Variants in DACH2 observed in about 807,000 individuals in gnomAD.
DACH2 encodes dachshund homolog 2.
DACH2 carries 17 observed loss-of-function variants against 35.8 expected under a neutral mutation model. The ratio of observed to expected loss-of-function variants is 0.48; its 90% CI spans 0.33 to 0.71. The LOEUF is 0.71. Ranked by LOEUF, DACH2 falls within the 30% of genes least tolerant of loss-of-function variation. The pLI is 0.02. For missense variants in DACH2, 469 were observed against 472.7 expected (o/e 0.99, Z 0.07); for synonymous variants, 195 against 177.3 (o/e 1.10, Z -0.79).
intron 3 of DACH2, among the ~76,000 whole-genome samples, chrX:86,636,845 C>A (rs1602725274): frequency 9.1e-6 from 1 of 109,678 alleles, no homozygotes; most frequent in Admixed American, 9.8e-5. Context: ...GCAACAAAAA[C>A]AAAAATTGAC....
chrX:86,285,864 A>G (rs949430545), intron 1 of DACH2, among the ~76,000 whole-genome samples: 5 of 110,942 alleles, frequency 4.5e-5, no homozygotes, highest in African/African-American at 1.6e-4. Flanking sequence ...GGGTGTATAT[A>G]TATTTAAATT....
At chrX:86,695,738 C>G (rs1013894037) in intron 5 of DACH2, among the ~76,000 whole-genome samples, 8 of 109,766 alleles carry the variant, frequency 7.3e-5, no homozygotes, top group Non-Finnish European at 1.5e-4. Context: ...GTCTTGAACT[C>G]CTAACCTCAG....
At chrX:86,562,839 A>G (rs1049049324) in intron 3 of DACH2, among the ~76,000 whole-genome samples, 1 of 111,774 alleles carries the variant, frequency 8.9e-6, no homozygotes, top group African/African-American at 3.2e-5. Context: ...ACTGTATTGC[A>G]TCATGAACGC....
At chrX:86,667,289 GGAAGGAAGGAAGGAAA>G (rs1446374524) in intron 4 of DACH2, among the ~76,000 whole-genome samples, 2 of 61,042 alleles carry the variant, frequency 3.3e-5, no homozygotes, top group Non-Finnish European at 5.7e-5. Flanking sequence ...GAGAGAGGAA[GGAAGGAAGGAAGGAAA>G]GAAGGAAGGA....
chrX:86,556,787 TATATATATAGAGAG>T (rs1377417458), intron 3 of DACH2, among the ~76,000 whole-genome samples: 134 of 40,151 alleles, frequency 3.3e-3, no homozygotes, highest in African/African-American at 0.012. Flanking sequence ...TATATATATA[TATATATATAGAGAG>T]AGAGAGAGAG....
intron 6 of DACH2, among the ~76,000 whole-genome samples, chrX:86,730,025 A>G (rs1269760820): frequency 9.2e-6 from 1 of 108,984 alleles, no homozygotes; most frequent in African/African-American, 3.3e-5. Flanking sequence ...CCTGGGGTTA[A>G]AAAAAAAACA....
intron 6 of DACH2, among the ~76,000 whole-genome samples, chrX:86,715,676 C>A (rs1202335654): frequency 9.0e-6 from 1 of 111,635 alleles, no homozygotes; most frequent in East Asian, 2.8e-4. Context: ...AGCTCCCAAA[C>A]ATAAATGTGA....
At chrX:86,830,875 C>T (rs753683341) in intron 11 of DACH2, 1 of 111,582 alleles carries the variant, frequency 9.0e-6, no homozygotes, top group Non-Finnish European at 1.9e-5. Flanking sequence ...GTCAATTCAT[C>T]AGAGTAAATA....
chrX:86,334,267 AC>A (rs2035263566), intron 1 of DACH2, among the ~76,000 whole-genome samples: 1 of 112,012 alleles, frequency 8.9e-6, no homozygotes. Flanking sequence ...TTGGGTCTAC[AC>A]CCAGTAATGG....
intron 5 of DACH2, among the ~76,000 whole-genome samples, chrX:86,704,259 C>G (rs979185495): frequency 1.8e-5 from 2 of 111,404 alleles, no homozygotes; most frequent in African/African-American, 6.5e-5. Flanking sequence ...AAGAATGAAA[C>G]TAGATCCTTG....
chrX:86,677,442 A>G (rs2040835963), intron 4 of DACH2, among the ~76,000 whole-genome samples: 1 of 112,077 alleles, frequency 8.9e-6, no homozygotes, highest in Admixed American at 9.5e-5. Flanking sequence ...TGTAAAAATG[A>G]AAGAACTGCC....
intron 3 of DACH2, among the ~76,000 whole-genome samples, chrX:86,594,719 C>A (rs1261870735): frequency 9.0e-6 from 1 of 111,226 alleles, no homozygotes; most frequent in African/African-American, 3.3e-5. Context: ...GGTAAATAAT[C>A]CATGTAAGTT....
At chrX:86,542,688 A>G (rs757129471) in intron 3 of DACH2, among the ~76,000 whole-genome samples, 1 of 112,118 alleles carries the variant, frequency 8.9e-6, no homozygotes, top group African/African-American at 3.2e-5. Flanking sequence ...ATTTATCTTG[A>G]CATTAAAATC....
intron 2 of DACH2, among the ~76,000 whole-genome samples, chrX:86,436,372 A>G (rs1203658818): frequency 1.5e-5 from 1 of 68,935 alleles, no homozygotes; most frequent in Non-Finnish European, 3.0e-5. Flanking sequence ...ATATGTATAT[A>G]TATATATATA....
chrX:86,809,247 T>TA (rs1008556194), intron 7 of DACH2, among the ~76,000 whole-genome samples: 10 of 111,442 alleles, frequency 9.0e-5, no homozygotes, highest in Non-Finnish European at 1.7e-4. Flanking sequence ...GCTTTTTAAA[T>TA]AAAAAAAATC....
chrX:86,238,944 A>G (rs7889457), intron 1 of DACH2, among the ~76,000 whole-genome samples: 39,512 of 109,734 alleles, frequency 0.36, 5,908 homozygotes, highest in East Asian at 0.75. Flanking sequence ...ACAGGATGGC[A>G]TTAGTGTGTT....
At chrX:86,565,360 T>C (rs1441556798) in intron 3 of DACH2, among the ~76,000 whole-genome samples, 4 of 111,626 alleles carry the variant, frequency 3.6e-5, no homozygotes, top group Non-Finnish European at 7.5e-5. Flanking sequence ...ACTAGACTAG[T>C]GGCTCTCAAA....
At chrX:86,567,329 C>T (rs917878550) in intron 3 of DACH2, among the ~76,000 whole-genome samples, 11 of 111,066 alleles carry the variant, frequency 9.9e-5, no homozygotes, top group East Asian at 2.9e-4. Context: ...GAAACTCTTT[C>T]GAACAGAGGA....
chrX:86,747,958 A>G (rs1168148007), intron 7 of DACH2, among the ~76,000 whole-genome samples: 1 of 112,196 alleles, frequency 8.9e-6, no homozygotes, highest in Non-Finnish European at 1.9e-5. Flanking sequence ...CTTTGTTGTC[A>G]TTTCAACAGT....
Sources: allele counts gnomAD v4.1 joint callset (sites outside exome capture counted in the v4.1 genomes callset), GRCh38; gene constraint gnomAD v4.1.1; transcripts MANE v1.5; gene names NCBI Gene and HGNC (gene_info 2026-07-23, HGNC 2026-07-21).